The following WDR19 variants were observed in gnomAD, a reference collection of about 807,000 sequenced individuals.
WDR19 encodes the protein WD repeat-containing protein 19.
Under a neutral mutation model 180.0 loss-of-function variants are expected in WDR19, and 121 were observed. The ratio of observed to expected loss-of-function variants is 0.67; its 90% CI spans 0.58 to 0.78. The LOEUF is 0.78. Ranked by LOEUF, WDR19 falls within the 30% of genes least tolerant of loss-of-function variation. The pLI is 0.00. For missense variants in WDR19, 1,450 were observed against 1,640.7 expected (o/e 0.88, Z 2.01); for synonymous variants, 497 against 540.7 (o/e 0.92, Z 1.12).
intron 28 of WDR19, among the ~76,000 whole-genome samples, chr4:39,263,425 C>T (rs1441803443): frequency 1.3e-5 from 2 of 152,168 alleles, no homozygotes; most frequent in Non-Finnish European, 2.9e-5. Context: ...ACTTCCTTCT[C>T]AGATGGTCCC....
chr4:39,218,148 A>G, intron 14 of WDR19, 43 bp downstream of exon 14: 5 of 1,568,420 alleles, frequency 3.2e-6, no homozygotes, highest in Non-Finnish European at 4.3e-6. Context: ...GGAATTTTTA[A>G]TTTTTATTTT....
chr4:39,228,633 A>C lies in WDR19; in HGVS notation c.1925A>C (p.Lys642Thr). The change falls in exon 17 of 37, where the codon AAA (lysine) becomes ACA (threonine). Residue 642 changes from lysine to threonine, a missense_variant. Physicochemically the swap from Lys to Thr is moderately conservative, Grantham distance 78. Transcript: ENST00000399820. ...ACCCATGGCTTTCTCAGCAACTTAAAAGATACGGGGCCTGACGAACTGAGA... is the reference window on the plus strand; with the variant it reads ...ACCCATGGCTTTCTCAGCAACTTAACAGATACGGGGCCTGACGAACTGAGA... ...LSTHGFLSNL[K>T]DTGPDELRPM... 6.2e-7 allele frequency: 1 copy of C among 1,613,268 alleles called. No individual in the cohort carries two copies. Among genetic ancestry groups the C allele is most frequent in the Non-Finnish European group, 8.5e-7 (1 of 1,179,512 alleles).
chr4:39,203,594 A>G, intron 6 of WDR19, 48 bp from the exon 7 acceptor site: 1 of 1,447,722 alleles, frequency 6.9e-7, no homozygotes, highest in Non-Finnish European at 9.6e-7. Flanking sequence ...TTCAGAATGA[A>G]TTTAAATATT....
intron 36 of WDR19, among the ~76,000 whole-genome samples, chr4:39,284,598 C>CAAAG (rs1273592542): frequency 6.9e-5 from 10 of 144,446 alleles, no homozygotes; most frequent in African/African-American, 2.5e-4. Flanking sequence ...CTCAGCCTCC[C>CAAAG]AAAGAAGTGT....
At chr4:39,200,613 A>T (rs1727267139) in intron 6 of WDR19, among the ~76,000 whole-genome samples, 1 of 152,224 alleles carries the variant, frequency 6.6e-6, no homozygotes, top group Non-Finnish European at 1.5e-5. Flanking sequence ...AGTGCCTCAC[A>T]ACACAGCAGC....
At chr4:39,265,588 A>C (rs1001155764) in intron 28 of WDR19, among the ~76,000 whole-genome samples, 1 of 151,914 alleles carries the variant, frequency 6.6e-6, no homozygotes, top group African/African-American at 2.4e-5. Context: ...CGTGGCCAAC[A>C]TGGTGAAACC....
chr4:39,274,676 TG>T, intron 32 of WDR19, 131 bp from the exon 33 acceptor site: 1 of 1,054,150 alleles, frequency 9.5e-7, no homozygotes, highest in Non-Finnish European at 1.4e-6. Flanking sequence ...AGATCATATC[TG>T]GTTCTTTGCA....
chr4:39,203,425 C>T (rs1446934520), intron 6 of WDR19, among the ~76,000 whole-genome samples: 2 of 152,122 alleles, frequency 1.3e-5, no homozygotes, highest in Non-Finnish European at 2.9e-5. Flanking sequence ...CTGATGGTCC[C>T]TGTAAATTTC....
At chr4:39,273,158 C>T (rs1451132790) in intron 32 of WDR19, 97 bp downstream of exon 32, 5 of 892,274 alleles carry the variant, frequency 5.6e-6, no homozygotes, top group East Asian at 5.8e-5. Flanking sequence ...TACACTAACT[C>T]GTTTAATTCT....
At chr4:39,206,335 C>G (rs1473363253) in intron 9 of WDR19, among the ~76,000 whole-genome samples, 5 of 152,142 alleles carry the variant, frequency 3.3e-5, no homozygotes, top group African/African-American at 1.2e-4. Flanking sequence ...AGCAGTCTCC[C>G]CATGGCAGTG....
intron 20 of WDR19, among the ~76,000 whole-genome samples, chr4:39,239,785 C>G (rs74474573): frequency 7.0e-4 from 107 of 152,326 alleles, no homozygotes; most frequent in Non-Finnish European, 1.4e-3. Flanking sequence ...TAATGACAGA[C>G]TGCACTTTGA....
rs1188633968 is a variant in WDR19, at chr4:39,240,291, A to C, written c.2378A>C (p.Asn793Thr). 1.4e-5 allele frequency: 20 copies of C among 1,417,078 alleles called. No homozygotes were observed. Among genetic ancestry groups the C allele is most frequent in the Non-Finnish European group, 1.8e-5 (19 of 1,082,034 alleles). The allele number at this position is 1,417,078 out of a possible 1,614,324, so 87.8% of individuals were successfully genotyped here. The change falls in exon 21 of 37, where the codon AAT becomes ACT. Residue 793 changes from asparagine to threonine, a missense_variant. Transcript: ENST00000399820. ...TTTTTTTTCAGGGGTGATTATGTAAATGCTTTGGCTCATTATGAGAAAGGA... is the reference window on the plus strand; with the variant it reads ...TTTTTTTTCAGGGGTGATTATGTAACTGCTTTGGCTCATTATGAGAAAGGA... ...IQLEFAGDYV[N>T]ALAHYEKGIT...
chr4:39,257,374 G>A (rs1294708233), intron 27 of WDR19, 112 bp from the exon 28 acceptor site: 2 of 996,648 alleles, frequency 2.0e-6, no homozygotes, highest in African/African-American at 3.3e-5. Flanking sequence ...TGGTTGAGAT[G>A]AAGATACTTT....
rs565593239 is a variant in WDR19 at position 39,264,419 on chromosome 4, C to T, written c.3184-1644C>T. On this transcript the variant is annotated intron_variant, in intron 28 of 36. Transcript: ENST00000399820. ...GTGAAAGCCTAGCTTTTTCCCCTGA[C>T]GATGACCACAGGCAGGGCAGTGTGC... Among the ~76,000 whole-genome samples the T allele has an allele frequency of 6.6e-5, 10 of 152,324 alleles. 1 individual carries two copies. The South Asian group carries it at 1.7e-3, about 25-fold the overall frequency.
chr4:39,182,619 G>C, intron 1 of WDR19, 56 bp downstream of exon 1: 1 of 1,611,800 alleles, frequency 6.2e-7, no homozygotes, highest in Non-Finnish European at 8.5e-7. Flanking sequence ...ACTGGCCCTT[G>C]GTCGCTTTTA....
At chr4:39,211,826 G>A (rs1728535719) in intron 9 of WDR19, among the ~76,000 whole-genome samples, 1 of 152,056 alleles carries the variant, frequency 6.6e-6, no homozygotes, top group Admixed American at 6.6e-5. Flanking sequence ...ACAAAGTGAA[G>A]ATATCAGTTC....
chr4:39,281,265 A>G (rs1370454281), intron 36 of WDR19, among the ~76,000 whole-genome samples: 1 of 149,068 alleles, frequency 6.7e-6, no homozygotes, highest in African/African-American at 2.5e-5. Context: ...AGAGAGAGAA[A>G]GCCTACTAAC....
chr4:39,217,953 T>C, intron 13 of WDR19, 30 bp from the exon 14 acceptor site: 1 of 1,611,040 alleles, frequency 6.2e-7, no homozygotes, highest in South Asian at 1.1e-5. Flanking sequence ...CAAATAAATC[T>C]GTGAGCCATT....
intron 4 of WDR19, among the ~76,000 whole-genome samples, chr4:39,193,022 T>C (rs1041471109): frequency 3.9e-5 from 6 of 152,186 alleles, no homozygotes; most frequent in African/African-American, 1.4e-4. Context: ...GGCACATTAT[T>C]GCGGCTACAG....
Sources: allele counts gnomAD v4.1 joint callset (sites outside exome capture counted in the v4.1 genomes callset), GRCh38; gene constraint gnomAD v4.1.1; transcripts MANE v1.5; gene names NCBI Gene and HGNC (gene_info 2026-07-23, HGNC 2026-07-21).